The following GRIN2A variants were observed in gnomAD, a reference collection of about 807,000 sequenced individuals.
The protein encoded by GRIN2A is glutamate ionotropic receptor NMDA type subunit 2A.
GRIN2A carries 22 observed loss-of-function variants against 113.4 expected under a neutral mutation model. That is an observed-to-expected ratio of 0.19 (90% CI 0.14 to 0.28). The LOEUF (loss-of-function observed/expected upper bound fraction) is 0.28. Among genes scored for constraint, GRIN2A ranks in the 10% least tolerant of loss-of-function variants. The pLI, the probability that GRIN2A is intolerant of heterozygous loss-of-function variation, is 1.00. For synonymous variants in GRIN2A, 827 were observed against 738.4 expected, an observed-to-expected ratio of 1.12 and a Z score of -1.94; for missense variants, 1,502 against 1,887.0, an observed-to-expected ratio of 0.80 and a Z score of 3.78.
chr16:10,004,258 G>A (rs944587019), intron 2 of GRIN2A, among the ~76,000 whole-genome samples: 1 of 151,868 alleles, frequency 6.6e-6, no homozygotes, highest in Non-Finnish European at 1.5e-5. Context: ...GCATGATGGT[G>A]CGCACCTGTA....
At chr16:9,801,383 C>T (rs899691400) in intron 10 of GRIN2A, among the ~76,000 whole-genome samples, 2 of 152,232 alleles carry the variant, frequency 1.3e-5, no homozygotes, top group Non-Finnish European at 2.9e-5. Context: ...TACACATGGG[C>T]ACATTCAAAC....
intron 2 of GRIN2A, among the ~76,000 whole-genome samples, chr16:9,944,197 C>A (rs1875209): frequency 6.6e-6 from 1 of 152,084 alleles, no homozygotes; most frequent in Non-Finnish European, 1.5e-5. Flanking sequence ...CTGTTGAGGA[C>A]TGCCCTTGTG....
chr16:10,069,707 CAA>C lies in GRIN2A; in HGVS notation c.414+110289_414+110290del, dbSNP rs1304116657. 8.5e-5 allele frequency among the ~76,000 whole-genome samples: 13 copies of C among 152,362 alleles called. No individual in the cohort carries two copies. In the East Asian group the frequency reaches 2.3e-3, roughly 27 times the overall value. ...CAGAACAGGGAAAGATATTTCCAGG[CAA>C]AGAGATATGCCCAGCCCAGGCTGGG... On this transcript the variant is annotated intron_variant, in intron 2 of 12. Coordinates refer to ENST00000330684, the MANE Select transcript of GRIN2A (RefSeq NM_001134407.3).
rs1057522359 is a variant in GRIN2A at position 9,764,586 on chromosome 16, A to C, written c.2958T>G (p.Leu986=). The change falls in exon 13 of 13, where the codon CTT becomes CTG. Residue 986 remains leucine (L), a synonymous_variant. Transcript: ENST00000330684. ...NNYVFQGQHP[L]TLNESNPNTV... is the part of the protein sequence containing the mutation. ...TGTTAGGGTTGGACTCATTGAGAGT[A>C]AGAGGATGTTGTCCCTGGAATACAT... 6.2e-7 allele frequency: 1 copy of C among 1,614,084 alleles called. No homozygotes were observed. Among genetic ancestry groups the C allele is most frequent in the Admixed American group, 1.7e-5 (1 of 60,032 alleles).
intron 2 of GRIN2A, among the ~76,000 whole-genome samples, chr16:10,161,799 G>A (rs558373951): frequency 4.6e-5 from 7 of 152,242 alleles, no homozygotes; most frequent in African/African-American, 1.7e-4. Flanking sequence ...GGAGGATGCT[G>A]GCATTCCTTG....
chr16:10,016,499 T>C (rs1038105777), intron 2 of GRIN2A, among the ~76,000 whole-genome samples: 1 of 152,032 alleles, frequency 6.6e-6, no homozygotes. Context: ...CACAGACCCA[T>C]CTCAGTGGAC....
chr16:10,111,609 C>T (rs529528524), intron 2 of GRIN2A: 34 of 1,197,710 alleles, frequency 2.8e-5, no homozygotes, highest in African/African-American at 1.6e-4. Context: ...AGACAGAGGC[C>T]GACATGGCCA....
chr16:9,877,980 T>C (rs2043405465), intron 4 of GRIN2A, among the ~76,000 whole-genome samples: 1 of 151,674 alleles, frequency 6.6e-6, no homozygotes, highest in Admixed American at 6.6e-5. Flanking sequence ...TTTTCATTGG[T>C]CTATTCAGGA....
chr16:9,994,346 T>A (rs2046182509), intron 2 of GRIN2A, among the ~76,000 whole-genome samples: 1 of 152,136 alleles, frequency 6.6e-6, no homozygotes, highest in African/African-American at 2.4e-5. Context: ...TGTAGCTCCT[T>A]CTCTCTAAGG....
chr16:9,817,411 T>C (rs1211498084), intron 10 of GRIN2A, among the ~76,000 whole-genome samples: 1 of 152,208 alleles, frequency 6.6e-6, no homozygotes, highest in African/African-American at 2.4e-5. Flanking sequence ...GGTAATCATG[T>C]GATTCAGGTA....
intron 3 of GRIN2A, among the ~76,000 whole-genome samples, chr16:9,933,960 G>A (rs2044654855): frequency 6.6e-6 from 1 of 152,218 alleles, no homozygotes. Context: ...TATGTGTATT[G>A]AAAGTACGAA....
chr16:9,912,832 A>T (rs1290034641), intron 3 of GRIN2A, among the ~76,000 whole-genome samples: 2 of 152,254 alleles, frequency 1.3e-5, no homozygotes, highest in Non-Finnish European at 2.9e-5. Context: ...ATGCTATTGA[A>T]TTTCATATCT....
rs536840003 is a variant in GRIN2A at position 9,962,207 on chromosome 16, G to T, written c.415-23656C>A. On this transcript the variant is annotated intron_variant, in intron 2 of 12. Coordinates refer to ENST00000330684, the MANE Select transcript of GRIN2A (RefSeq NM_001134407.3). ...CATTCAGGACATAGGCATGGTCAAG[G>T]ACTTCATATCTAAAACACCAAAAGC... is the stretch of plus-strand genomic sequence containing the variant. 2.0e-5 allele frequency among the ~76,000 whole-genome samples: 3 copies of T among 152,230 alleles called. No individual in the cohort carries two copies. The East Asian group carries it at 5.8e-4, about 29-fold the overall frequency.
At chr16:9,841,810 T>TAAAG (rs1470995469) in intron 5 of GRIN2A, among the ~76,000 whole-genome samples, 1 of 152,180 alleles carries the variant, frequency 6.6e-6, no homozygotes, top group Non-Finnish European at 1.5e-5. Flanking sequence ...CTTGATCAGG[T>TAAAG]AAAGACCCCA....
intron 10 of GRIN2A, among the ~76,000 whole-genome samples, chr16:9,805,957 G>C (rs2041958283): frequency 6.6e-6 from 1 of 152,148 alleles, no homozygotes; most frequent in Admixed American, 6.5e-5. Context: ...AACTGGCTTT[G>C]GGAAAATGGC....
intron 2 of GRIN2A, among the ~76,000 whole-genome samples, chr16:10,109,014 TAA>T (rs56946708): frequency 4.2e-4 from 48 of 114,142 alleles, no homozygotes; most frequent in East Asian, 2.3e-3. Flanking sequence ...TGATTCTCTT[TAA>T]AAAAAAAAAA....
intron 2 of GRIN2A, among the ~76,000 whole-genome samples, chr16:10,153,628 T>C (rs2049629797): frequency 6.6e-6 from 1 of 152,210 alleles, no homozygotes; most frequent in South Asian, 2.1e-4. Context: ...AGAGGACAAG[T>C]CAAAATAAAT....
Position 9,763,103 on chromosome 16 carries a change from G to A in GRIN2A, c.*46C>T, listed in dbSNP as rs759985628. The A allele has an allele frequency of 3.3e-5, 52 of 1,574,882 alleles. No homozygotes were observed. The highest frequency in any genetic ancestry group is 7.8e-6 in the Non-Finnish European group (9 of 1,147,434). On this transcript the variant is annotated 3_prime_UTR_variant, in exon 13 of 13. Coordinates refer to ENST00000330684, the MANE Select transcript of GRIN2A (RefSeq NM_001134407.3). The stretch of plus-strand genomic sequence containing the variant: ...CCAACATTTACCCTCCAGAACATTG[G>A]CCATTACGTATATTTCCCTATAGAT...
At chr16:9,861,722 C>T (rs542365588) in intron 4 of GRIN2A, among the ~76,000 whole-genome samples, 1 of 152,284 alleles carries the variant, frequency 6.6e-6, no homozygotes, top group African/African-American at 2.4e-5. Flanking sequence ...CTTTGGAACT[C>T]AATTTTCCCC....
Sources: gnomAD v4.1 joint callset for allele counts (sites outside exome capture counted in the v4.1 genomes callset) on GRCh38, gnomAD v4.1.1 for gene constraint, MANE v1.5 for transcripts, NCBI Gene and HGNC (gene_info 2026-07-23, HGNC 2026-07-21) for gene names.